Variants in RBFOX3 observed in about 807,000 individuals in gnomAD.
The protein encoded by RBFOX3 is RNA binding fox-1 homolog 3.
In RBFOX3, 17 loss-of-function variants were observed where a neutral mutation model predicts 48.7. That is an observed-to-expected ratio of 0.35 (90% CI 0.24 to 0.52). The LOEUF (loss-of-function observed/expected upper bound fraction) is 0.52, where lower values mean the gene tolerates loss of function less well. Among genes scored for constraint, RBFOX3 ranks in the 20% least tolerant of loss-of-function variants. The pLI, the probability that RBFOX3 is intolerant of heterozygous loss-of-function variation, is 0.94. For synonymous variants in RBFOX3, 212 were observed against 209.5 expected (o/e 1.01, Z -0.10); for missense variants, 382 against 497.5 (o/e 0.77, Z 2.21).
chr17:79,576,654 A>T (rs1489932891), intron 1 of RBFOX3, among the ~76,000 whole-genome samples: 1 of 152,018 alleles, frequency 6.6e-6, no homozygotes, highest in Non-Finnish European at 1.5e-5. Flanking sequence ...GTGGGAGATG[A>T]TGGAGAAGTT....
intron 1 of RBFOX3, among the ~76,000 whole-genome samples, chr17:79,592,736 C>T (rs1439468563): frequency 2.6e-5 from 4 of 152,176 alleles, no homozygotes; most frequent in Non-Finnish European, 5.9e-5. Context: ...CCAGCAGGCC[C>T]AAGCCAAGGC....
At chr17:79,159,413 T>A (rs917936079) in intron 4 of RBFOX3, among the ~76,000 whole-genome samples, 2 of 152,128 alleles carry the variant, frequency 1.3e-5, no homozygotes, top group Non-Finnish European at 2.9e-5. Flanking sequence ...GCCCCCGGCT[T>A]AGCCCAAGCC....
chr17:79,608,356 C>T (rs1376501777), intron 1 of RBFOX3, among the ~76,000 whole-genome samples: 2 of 152,250 alleles, frequency 1.3e-5, no homozygotes, highest in Admixed American at 1.3e-4. Flanking sequence ...CCCTGGACTC[C>T]TGGCTCCTCC....
chr17:79,523,650 G>T (rs1380471236), intron 1 of RBFOX3, among the ~76,000 whole-genome samples: 1 of 152,214 alleles, frequency 6.6e-6, no homozygotes, highest in South Asian at 2.1e-4. Context: ...GCCTGGTGGA[G>T]CTTCAGGTGA....
At chr17:79,273,194 C>A (rs1020120113) in intron 3 of RBFOX3, among the ~76,000 whole-genome samples, 3 of 152,120 alleles carry the variant, frequency 2.0e-5, no homozygotes, top group Non-Finnish European at 4.4e-5. Flanking sequence ...TTCTCTGAGC[C>A]CCTGCAGCAA....
At chr17:79,529,624 C>T (rs1182280992) in intron 1 of RBFOX3, among the ~76,000 whole-genome samples, 1 of 152,166 alleles carries the variant, frequency 6.6e-6, no homozygotes, top group Non-Finnish European at 1.5e-5. Context: ...TGTGTGAGGT[C>T]AAGGGGTAGA....
At chr17:79,092,708 G>GAA (rs11286198) in intron 14 of RBFOX3, 47 of 642,272 alleles carry the variant, frequency 7.3e-5, no homozygotes, top group African/African-American at 1.0e-4. Flanking sequence ...AAAGCAAAAA[G>GAA]AAAAAAAAAA....
At chr17:79,219,395 C>T (rs370256927) in intron 4 of RBFOX3, among the ~76,000 whole-genome samples, 5 of 152,210 alleles carry the variant, frequency 3.3e-5, no homozygotes, top group African/African-American at 9.7e-5. Context: ...TGTGCATGTG[C>T]GTGCGCGTGC....
chr17:79,304,560 C>T (rs986718454), intron 3 of RBFOX3, among the ~76,000 whole-genome samples: 1 of 151,430 alleles, frequency 6.6e-6, no homozygotes, highest in Non-Finnish European at 1.5e-5. Context: ...GAGGTGTGAG[C>T]TGTGGTTATT....
chr17:79,202,313 C>T (rs971184073), intron 4 of RBFOX3, among the ~76,000 whole-genome samples: 3 of 152,128 alleles, frequency 2.0e-5, no homozygotes, highest in African/African-American at 7.2e-5. Context: ...CCCTGGGTAA[C>T]TCTGGGGCTG....
At chr17:79,183,737 C>A (rs146450493) in intron 4 of RBFOX3, among the ~76,000 whole-genome samples, 119 of 152,286 alleles carry the variant, frequency 7.8e-4, no homozygotes, top group African/African-American at 2.8e-3. Flanking sequence ...GCGTGTGTAG[C>A]GGTGGGAGGG....
At chr17:79,553,897 C>T (rs2091378867) in intron 1 of RBFOX3, among the ~76,000 whole-genome samples, 2 of 152,012 alleles carry the variant, frequency 1.3e-5, no homozygotes, top group Non-Finnish European at 2.9e-5. Flanking sequence ...CACATCCTGG[C>T]TAATTTTTGT....
intron 1 of RBFOX3, among the ~76,000 whole-genome samples, chr17:79,558,958 C>G (rs1318633722): frequency 1.3e-5 from 2 of 152,098 alleles, no homozygotes; most frequent in African/African-American, 2.4e-5. Flanking sequence ...AAGCATTTAC[C>G]AGGCATTGTC....
rs377407098 is a variant in RBFOX3, at chr17:79,410,440, G to A, written c.-175+72014C>T. Among the ~76,000 whole-genome samples, 399 of 152,260 alleles carry A rather than the reference G, an allele frequency of 2.6e-3. 4 individuals carry two copies. Among genetic ancestry groups the A allele is most frequent in the African/African-American group, 2.5e-3 (104 of 41,536 alleles). On this transcript the variant is annotated intron_variant, in intron 2 of 14. Transcript: ENST00000693108. ...AGGTGCAGCTGTGAGGGGATTTTGCGGCAGGGGGGCGGTCATTAAGGACCC... is the reference window on the plus strand; with the variant it reads ...AGGTGCAGCTGTGAGGGGATTTTGCAGCAGGGGGGCGGTCATTAAGGACCC...
intron 1 of RBFOX3, among the ~76,000 whole-genome samples, chr17:79,552,654 T>C (rs2091266508): frequency 6.6e-6 from 1 of 152,224 alleles, no homozygotes; most frequent in Admixed American, 6.5e-5. Context: ...AAGAAATATT[T>C]GCTGACTTTA....
At chr17:79,407,227 C>A (rs1052912622) in intron 2 of RBFOX3, among the ~76,000 whole-genome samples, 1 of 152,244 alleles carries the variant, frequency 6.6e-6, no homozygotes, top group African/African-American at 2.4e-5. Flanking sequence ...AGGCTGGTCT[C>A]AAACTCCTGA....
intron 2 of RBFOX3, among the ~76,000 whole-genome samples, chr17:79,474,851 C>G (rs1314172652): frequency 6.6e-6 from 1 of 152,170 alleles, no homozygotes; most frequent in Admixed American, 6.5e-5. Context: ...CCACATCCCT[C>G]TCTCCCCAGA....
At chr17:79,429,744 G>A (rs949286547) in intron 2 of RBFOX3, among the ~76,000 whole-genome samples, 4 of 152,076 alleles carry the variant, frequency 2.6e-5, no homozygotes, top group African/African-American at 4.8e-5. Context: ...ATGACTCGTC[G>A]GGGCCACATG....
rs540668726 is a variant in RBFOX3 at position 79,420,582 on chromosome 17, G to A, written c.-175+61872C>T. ...AGGAGAAGGGGTCCACATTCTCACAGGGGTCTCCATGGCACCACTGTTAGC... is the reference window on the plus strand; with the variant it reads ...AGGAGAAGGGGTCCACATTCTCACAAGGGTCTCCATGGCACCACTGTTAGC... On this transcript the variant is annotated intron_variant, in intron 2 of 14. Transcript: ENST00000693108. Among the ~76,000 whole-genome samples the A allele has an allele frequency of 2.0e-5, 3 of 152,336 alleles. No homozygotes were observed. The East Asian group carries it at 5.8e-4, about 29-fold the overall frequency.
Sources: allele counts gnomAD v4.1 joint callset (sites outside exome capture counted in the v4.1 genomes callset), GRCh38; gene constraint gnomAD v4.1.1; transcripts MANE v1.5; gene names NCBI Gene and HGNC (gene_info 2026-07-23, HGNC 2026-07-21).